Variants in CABLES1 observed in about 807,000 individuals in gnomAD.
CABLES1 encodes the protein CDK5 and ABL1 enzyme substrate 1.
A neutral mutation model predicts 57.8 loss-of-function variants in CABLES1; 36 were observed. The ratio of observed to expected loss-of-function variants is 0.62; its 90% CI spans 0.48 to 0.82. The LOEUF is 0.82. Ranked by LOEUF, CABLES1 falls within the 40% of genes least tolerant of loss-of-function variation. The probability of loss-of-function intolerance (pLI) is 0.00; values close to 1 mark genes in which losing one functional copy is unlikely to be tolerated. For synonymous variants in CABLES1, 374 were observed against 363.0 expected (o/e 1.03, Z -0.35); for missense variants, 767 against 836.6 (o/e 0.92, Z 1.03).
At chr18:23,253,594 C>CAGGG in intron 8 of CABLES1, 135 bp from the exon 9 acceptor site, 1 of 729,440 alleles carries the variant, frequency 1.4e-6, no homozygotes, top group South Asian at 1.9e-5. Context: ...CTTCACACTC[C>CAGGG]CAGGGACTTA....
chr18:23,222,241 A>G (rs1463513315), intron 4 of CABLES1, among the ~76,000 whole-genome samples: 1 of 152,024 alleles, frequency 6.6e-6, no homozygotes, highest in Non-Finnish European at 1.5e-5. Flanking sequence ...ACCTTTGGGG[A>G]TACTCAGCCC....
At chr18:23,174,821 CATATATATATATATATATATAT>C (rs569579022) in intron 1 of CABLES1, among the ~76,000 whole-genome samples, 72 of 94,566 alleles carry the variant, frequency 7.6e-4, no homozygotes, top group South Asian at 1.2e-3. Flanking sequence ...CATGTTACAC[CATATATATATATATATATATAT>C]ATATATATAT....
rs932715035 is a variant in CABLES1 at position 23,246,399 on chromosome 18, G to GT, written c.1447-6551dup. Among the ~76,000 whole-genome samples the GT allele has an allele frequency of 1.1e-3, 160 of 148,914 alleles. 1 individual carries two copies. Among genetic ancestry groups the GT allele is most frequent in the East Asian group, 0.01 (51 of 5,058 alleles). ...AGGCATTGCAAGTTTTTGTTTTTTG[G>GT]TTTTTTTTTTGAGACGGAGTCTTGC... On this transcript the variant is annotated intron_variant, in intron 7 of 9. Coordinates refer to ENST00000256925, the MANE Select transcript of CABLES1 (RefSeq NM_001100619.3).
chr18:23,170,625 C>T (rs2047075595), intron 1 of CABLES1, among the ~76,000 whole-genome samples: 1 of 152,190 alleles, frequency 6.6e-6, no homozygotes, highest in Non-Finnish European at 1.5e-5. Context: ...GGCATTACAT[C>T]TCAGAGCCAA....
intron 4 of CABLES1, among the ~76,000 whole-genome samples, chr18:23,219,687 C>T (rs1898669043): frequency 6.6e-6 from 1 of 152,178 alleles, no homozygotes; most frequent in Non-Finnish European, 1.5e-5. Flanking sequence ...GAGTCTCAGA[C>T]CCCTCATCTA....
At chr18:23,142,070 T>C (rs1446847774) in intron 1 of CABLES1, among the ~76,000 whole-genome samples, 12 of 151,948 alleles carry the variant, frequency 7.9e-5, no homozygotes, top group Non-Finnish European at 1.8e-4. Context: ...CCACCCCTTC[T>C]GGGTCCACCA....
intron 4 of CABLES1, among the ~76,000 whole-genome samples, chr18:23,230,460 G>A (rs561459081): frequency 1.3e-4 from 20 of 152,266 alleles, no homozygotes; most frequent in African/African-American, 2.9e-4. Context: ...CTATGCCCAC[G>A]CCTGTACGTG....
At chr18:23,243,040 ATAATT>A (rs1222477878) in intron 7 of CABLES1, among the ~76,000 whole-genome samples, 3 of 150,250 alleles carry the variant, frequency 2.0e-5, no homozygotes, top group Admixed American at 6.7e-5. Flanking sequence ...TAGATAAGTT[ATAATT>A]TAATAACATA....
chr18:23,135,844 T>C lies in CABLES1; in HGVS notation c.82T>C (p.Leu28=), dbSNP rs975022289. Residue 28 remains leucine, a synonymous_variant, in exon 1 of 10, where the codon TTG becomes CTG. Transcript: ENST00000256925. ...CACCGACGCCGCGGGCGCCAGCGGA[T>C]TGCAGCAGCCGCCGCCGCAGCCCCA... ...AGTDAAGASG[L]QQPPPQPQPQ... 26 of 985,074 alleles carry C rather than the reference T, an allele frequency of 2.6e-5. No individual in the cohort carries two copies. Among genetic ancestry groups the C allele is most frequent in the Non-Finnish European group, 3.1e-5 (26 of 827,866 alleles). 61.0% of individuals were successfully genotyped at this position (985,074 alleles called of 1,614,324 possible). A position where few individuals can be genotyped will look rare whatever the true frequency, so the allele number is the denominator to read the frequency against.
chr18:23,188,500 C>T (rs1374244172), intron 1 of CABLES1, among the ~76,000 whole-genome samples: 1 of 151,918 alleles, frequency 6.6e-6, no homozygotes. Context: ...AAGCTGCACA[C>T]AGCGCTCAAG....
upstream of CABLES1, chr18:23,135,334 C>T (rs937201327): frequency 6.6e-6 from 1 of 152,552 alleles, no homozygotes; most frequent in African/African-American, 2.4e-5. Context: ...CCTTGCCTCC[C>T]GCCGTCTGCC....
chr18:23,210,339 C>T (rs1488274770), intron 3 of CABLES1, among the ~76,000 whole-genome samples: 1 of 152,124 alleles, frequency 6.6e-6, no homozygotes, highest in African/African-American at 2.4e-5. Context: ...GGGCTTTTTG[C>T]ATGCCATTTG....
chr18:23,223,579 G>GAAA (rs1164603815), intron 4 of CABLES1, among the ~76,000 whole-genome samples: 2 of 71,848 alleles, frequency 2.8e-5, no homozygotes, highest in South Asian at 4.5e-4. Flanking sequence ...CTCCGTCTCA[G>GAAA]AAAAAAAAAA....
chr18:23,203,609 C>G (rs2047341967), intron 3 of CABLES1, among the ~76,000 whole-genome samples: 1 of 150,592 alleles, frequency 6.6e-6, no homozygotes, highest in African/African-American at 2.4e-5. Flanking sequence ...GGGGATGGGT[C>G]ATAACTAAAT....
At position 23,135,934 on chromosome 18, in the gene CABLES1, G is replaced by A. The variant is rs755978275; in HGVS notation, c.172G>A (p.Asp58Asn). The A allele has an allele frequency of 2.8e-5, 31 of 1,113,076 alleles. No individual in the cohort carries two copies. Among genetic ancestry groups the A allele is most frequent in the Non-Finnish European group, 3.4e-5 (31 of 916,252 alleles). 68.9% of individuals were successfully genotyped at this position (1,113,076 alleles called of 1,614,324 possible). A position where few individuals can be genotyped will look rare whatever the true frequency, so the allele number is the denominator to read the frequency against. ...PPEPPRKPRM[D>N]PRRRQAALSF... ...CGAACCCCCCCGGAAGCCGCGCATG[G>A]ACCCGCGGCGCCGCCAGGCTGCCCT... is the stretch of plus-strand genomic sequence containing the variant. Residue 58 changes from aspartate (D) to asparagine (N), a missense_variant, in exon 1 of 10, where the codon GAC becomes AAC. Coordinates refer to ENST00000256925, the MANE Select transcript of CABLES1 (RefSeq NM_001100619.3).
intron 4 of CABLES1, among the ~76,000 whole-genome samples, chr18:23,222,053 A>G (rs976594244): frequency 5.9e-5 from 9 of 152,206 alleles, no homozygotes; most frequent in African/African-American, 2.2e-4. Flanking sequence ...TCCAAAGCCC[A>G]GGAGCTCTGG....
intron 3 of CABLES1, among the ~76,000 whole-genome samples, chr18:23,209,006 A>T (rs2047384422): frequency 6.6e-6 from 1 of 152,176 alleles, no homozygotes; most frequent in Admixed American, 6.5e-5. Flanking sequence ...ACCCAGTAGG[A>T]CCTCATCCTT....
intron 1 of CABLES1, chr18:23,155,997 T>G (rs2046962999): frequency 6.2e-7 from 1 of 1,611,146 alleles, no homozygotes; most frequent in Non-Finnish European, 8.5e-7. Flanking sequence ...GAGCTGAGTC[T>G]GTTTTTTTGG....
chr18:23,187,794 T>C (rs1161725046), intron 1 of CABLES1, among the ~76,000 whole-genome samples: 5 of 152,108 alleles, frequency 3.3e-5, no homozygotes, highest in Non-Finnish European at 2.9e-5. Context: ...CTGATTGTCT[T>C]AGAAAAGCCA....
Sources: gnomAD v4.1 joint callset for allele counts (sites outside exome capture counted in the v4.1 genomes callset) on GRCh38, gnomAD v4.1.1 for gene constraint, MANE v1.5 for transcripts, NCBI Gene and HGNC (gene_info 2026-07-23, HGNC 2026-07-21) for gene names.